GK: variants seen among roughly 807,000 people sequenced by gnomAD.
The protein encoded by GK is ATP:glycerol 3-phosphotransferase.
In GK, 9 loss-of-function variants were observed where a neutral mutation model predicts 56.4. The observed-to-expected ratio is 0.16, with a 90% CI of 0.10 to 0.28. The LOEUF (loss-of-function observed/expected upper bound fraction) is 0.28. Among genes scored for constraint, GK ranks in the 10% least tolerant of loss-of-function variants. The pLI, the probability that GK is intolerant of heterozygous loss-of-function variation, is 1.00. For missense variants in GK, 161 were observed against 431.4 expected (o/e 0.37, Z 5.55); for synonymous variants, 104 against 144.1 (o/e 0.72, Z 1.99).
intron 13 of GK, among the ~76,000 whole-genome samples, chrX:30,715,341 T>G (rs1328275697): frequency 8.9e-6 from 1 of 112,525 alleles, no homozygotes; most frequent in Non-Finnish European, 1.9e-5. Context: ...GCCTGTTTAT[T>G]AGCCTTTCAC....
intron 3 of GK, among the ~76,000 whole-genome samples, chrX:30,668,762 G>A (rs1482053417): frequency 3.6e-5 from 4 of 111,735 alleles, no homozygotes; most frequent in Non-Finnish European, 5.6e-5. Flanking sequence ...GGGATGACTT[G>A]CAGTTTCAAG....
intron 1 of GK, among the ~76,000 whole-genome samples, chrX:30,664,302 C>T (rs374298393): frequency 2.1e-4 from 22 of 104,296 alleles, no homozygotes; most frequent in East Asian, 2.0e-3. Context: ...CCGGTTCAAG[C>T]AGTTCTCCTG....
chrX:30,694,250 G>GA (rs1935130724), intron 5 of GK, 150 bp from the exon 6 acceptor site: 5 of 530,172 alleles, frequency 9.4e-6, no homozygotes, highest in Non-Finnish European at 1.3e-5. Flanking sequence ...CCTGTGCCAT[G>GA]AGACAGGAAA....
intron 3 of GK, among the ~76,000 whole-genome samples, chrX:30,674,942 G>A (rs1022701518): frequency 1.8e-5 from 2 of 111,816 alleles, no homozygotes; most frequent in African/African-American, 6.5e-5. Context: ...TATTCTGGAC[G>A]TACAGTTTGA....
chrX:30,664,007 ATTT>A (rs1932875242), intron 1 of GK, among the ~76,000 whole-genome samples: 1 of 93,161 alleles, frequency 1.1e-5, no homozygotes, highest in Non-Finnish European at 2.1e-5. Context: ...ATAGATATAT[ATTT>A]TATATATATC....
At chrX:30,661,532 C>T (rs1167124884) in intron 1 of GK, among the ~76,000 whole-genome samples, 2 of 111,065 alleles carry the variant, frequency 1.8e-5, no homozygotes, top group Non-Finnish European at 3.8e-5. Flanking sequence ...TGTGCACCCT[C>T]GCCCACCTGA....
chrX:30,654,548 G>C (rs1441864811), intron 1 of GK, among the ~76,000 whole-genome samples: 2 of 110,727 alleles, frequency 1.8e-5, no homozygotes, highest in East Asian at 5.6e-4. Context: ...TTCGAGACCA[G>C]CCTGGCCAAC....
At chrX:30,702,641 T>C (rs111741495) in intron 11 of GK, among the ~76,000 whole-genome samples, 5,935 of 112,239 alleles carry the variant, frequency 0.053, 172 homozygotes, top group Non-Finnish European at 0.077. Flanking sequence ...TCCATGTCAT[T>C]CCTTAGCCAG....
chrX:30,692,515 G>T lies in GK; in HGVS notation c.414+1316G>T, dbSNP rs1360213545. On this transcript the variant is annotated intron_variant, in intron 5 of 20. Coordinates refer to ENST00000427190, the MANE Select transcript of GK (RefSeq NM_001205019.2). ...TTTTTTCGAGACAGGGTCTCACTCT[G>T]TTGCCCAGGCTGGAGTGCAGTGGCA... Among the ~76,000 whole-genome samples, 13 of 109,217 alleles carry T rather than the reference G, an allele frequency of 1.2e-4. No individual in the cohort carries two copies. The Admixed American group carries it at 1.3e-3, about 11-fold the overall frequency. The allele number at this position is 109,217 out of a possible 115,157, so 94.8% of individuals were successfully genotyped here. A position where few individuals can be genotyped will look rare whatever the true frequency, so the allele number is the denominator to read the frequency against.
At position 30,691,151 on chromosome X, in the gene GK, C is replaced by T. The variant is rs771028148; in HGVS notation, c.366C>T (p.Thr122=). 1.5e-5 allele frequency: 17 copies of T among 1,158,037 alleles called. No homozygotes were observed. The highest frequency in any genetic ancestry group is 4.4e-5 in the Admixed American group (2 of 45,443). The change falls in exon 5 of 21, where the codon ACC becomes ACT. Residue 122 remains threonine (T), a synonymous_variant. Coordinates refer to ENST00000427190, the MANE Select transcript of GK (RefSeq NM_001205019.2). The part of the protein sequence containing the change: ...VVWLDLRTQS[T]VESLSKRIPG... ...GGCTTGATCTAAGAACCCAGTCTAC[C>T]GTTGAGAGTCTTAGTAAAAGAATTC...
In GK at chrX:30,706,286, C is replaced by T. The variant is rs189763608; in HGVS notation, c.852-1270C>T. Among the ~76,000 whole-genome samples, 33 of 112,072 alleles carry T rather than the reference C, an allele frequency of 2.9e-4. No homozygotes were observed. In the Admixed American group the frequency reaches 3.0e-3, roughly 10 times the overall value. ...GGAAAAATGTCGGAAAACAATTTCC[C>T]TTGGTTTTGTGTTTGTTGCACAATC... is the stretch of plus-strand genomic sequence containing the variant. On this transcript the variant is annotated intron_variant, in intron 11 of 20. Coordinates refer to ENST00000427190, the MANE Select transcript of GK (RefSeq NM_001205019.2).
intron 4 of GK, among the ~76,000 whole-genome samples, chrX:30,686,190 G>T (rs534491545): frequency 2.6e-4 from 29 of 112,572 alleles, no homozygotes; most frequent in African/African-American, 7.7e-4. Context: ...TTTACTTTTG[G>T]CCCCACCTGT....
At chrX:30,706,252 A>G (rs1935998542) in intron 11 of GK, among the ~76,000 whole-genome samples, 1 of 112,245 alleles carries the variant, frequency 8.9e-6, no homozygotes, top group Non-Finnish European at 1.9e-5. Context: ...TATGGTAACA[A>G]TGGTACCTGG....
At chrX:30,677,179 G>C (rs1052903141) in intron 3 of GK, among the ~76,000 whole-genome samples, 196 bp from the exon 4 acceptor site, 1 of 112,197 alleles carries the variant, frequency 8.9e-6, no homozygotes, top group African/African-American at 3.2e-5. Flanking sequence ...GAAATGAAAA[G>C]AAACACTTGG....
chrX:30,690,844 G>A (rs1427445907), intron 4 of GK, among the ~76,000 whole-genome samples: 1 of 111,240 alleles, frequency 9.0e-6, no homozygotes, highest in African/African-American at 3.3e-5. Context: ...TTGTAGTTTT[G>A]TTCTATAAAA....
chrX:30,675,492 C>T (rs1050494563), intron 3 of GK, among the ~76,000 whole-genome samples: 1 of 106,546 alleles, frequency 9.4e-6, no homozygotes, highest in African/African-American at 3.4e-5. Context: ...CCACCGCACC[C>T]GGCCACAGAA....
chrX:30,657,308 T>A lies in GK; in HGVS notation c.78+3693T>A, dbSNP rs746424235. 4.3e-3 allele frequency among the ~76,000 whole-genome samples: 479 copies of A among 112,574 alleles called. 2 individuals carry two copies. Among genetic ancestry groups the A allele is most frequent in the African/African-American group, 0.015 (457 of 31,003 alleles). ...TCAAAGAATTAATCTTGGGACCCCATGCATATGCTTTGTACAAGCGGAAAA... is the reference window on the plus strand; with the variant it reads ...TCAAAGAATTAATCTTGGGACCCCAAGCATATGCTTTGTACAAGCGGAAAA... On this transcript the variant is annotated intron_variant, in intron 1 of 20. Coordinates refer to ENST00000427190, the MANE Select transcript of GK (RefSeq NM_001205019.2).
intron 3 of GK, among the ~76,000 whole-genome samples, chrX:30,673,926 G>A (rs761782552): frequency 1.0e-3 from 115 of 111,017 alleles, no homozygotes; most frequent in African/African-American, 3.2e-3. Context: ...GTTGTCACAC[G>A]CACAAAAAAA....
intron 9 of GK, 185 bp from the exon 10 acceptor site, chrX:30,700,229 T>C: frequency 2.4e-6 from 1 of 415,848 alleles, no homozygotes; most frequent in Non-Finnish European, 4.2e-6. Flanking sequence ...GCCACATCTC[T>C]TCCTGTCATT....
Sources: allele counts gnomAD v4.1 joint callset (sites outside exome capture counted in the v4.1 genomes callset), GRCh38; gene constraint gnomAD v4.1.1; transcripts MANE v1.5; gene names NCBI Gene and HGNC (gene_info 2026-07-23, HGNC 2026-07-21).